Variants in CD200R1L observed in about 807,000 individuals in gnomAD.
CD200R1L encodes cell surface glycoprotein CD200 receptor 2.
CD200R1L carries 14 observed loss-of-function variants against 24.8 expected under a neutral mutation model. That is an observed-to-expected ratio of 0.56 (90% CI 0.37 to 0.88). The LOEUF (loss-of-function observed/expected upper bound fraction) is 0.88, where lower values mean the gene tolerates loss of function less well. Ranked by LOEUF, CD200R1L falls within the 40% of genes least tolerant of loss-of-function variation. The probability of loss-of-function intolerance (pLI) is 0.00; values close to 1 mark genes in which losing one functional copy is unlikely to be tolerated. For synonymous variants in CD200R1L, 111 were observed against 109.2 expected (o/e 1.02, Z -0.11); for missense variants, 299 against 297.8 (o/e 1.00, Z -0.03).
intron 7 of CD200R1L, 88 bp downstream of exon 7, chr3:112,819,684 T>A (rs1409301110): frequency 7.3e-7 from 1 of 1,376,972 alleles, no homozygotes; most frequent in East Asian, 2.6e-5. Context: ...AGTGTCAAGC[T>A]TTTCCCAGTA....
intron 3 of CD200R1L, chr3:112,829,613 C>T (rs1003037219): frequency 1.1e-6 from 1 of 888,114 alleles, no homozygotes; most frequent in Non-Finnish European, 1.3e-6. Context: ...ATTTCTCATT[C>T]ATGAGATGCT....
chr3:112,824,957 G>A (rs1183534531), intron 6 of CD200R1L, among the ~76,000 whole-genome samples: 1 of 152,182 alleles, frequency 6.6e-6, no homozygotes, highest in African/African-American at 2.4e-5. Flanking sequence ...TGCATGTAAG[G>A]CCGGGCACGG....
chr3:112,838,485 C>CCCAAAAGGTAAAAAAAAAAAAAAAAAAAA (rs1939011099), intron 2 of CD200R1L, among the ~76,000 whole-genome samples: 1 of 123,800 alleles, frequency 8.1e-6, no homozygotes. Context: ...AACAAACAAA[C>CCCAAAAGGTAAAAAAAAAAAAAAAAAAAA]AAACAAAAAA....
chr3:112,835,458 C>A (rs567525270), intron 3 of CD200R1L, among the ~76,000 whole-genome samples: 1 of 152,322 alleles, frequency 6.6e-6, no homozygotes, highest in East Asian at 1.9e-4. Context: ...AGCTGGTTGG[C>A]CCATTATGGC....
chr3:112,843,532 T>G (rs933929363), intron 2 of CD200R1L, among the ~76,000 whole-genome samples: 2 of 152,238 alleles, frequency 1.3e-5, no homozygotes, highest in African/African-American at 4.8e-5. Flanking sequence ...TCATTGCCAC[T>G]AGGCCAATCT....
intron 1 of CD200R1L, among the ~76,000 whole-genome samples, chr3:112,846,357 C>T (rs79488540): frequency 0.038 from 5,794 of 152,324 alleles, 129 homozygotes; most frequent in South Asian, 0.059. Flanking sequence ...AGTAAATTTT[C>T]AATAACTATA....
chr3:112,837,873 C>T (rs1938988513), intron 3 of CD200R1L, 69 bp downstream of exon 3: 1 of 531,058 alleles, frequency 1.9e-6, no homozygotes, highest in Non-Finnish European at 2.7e-6. Context: ...GACAAATGAT[C>T]ATGTAAATGT....
At position 112,827,373 on chromosome 3, in the gene CD200R1L, C is replaced by G. The variant is rs1403251351; in HGVS notation, c.361G>C (p.Val121Leu). 6.2e-7 allele frequency: 1 copy of G among 1,613,184 alleles called. No homozygotes were observed. The highest frequency in any genetic ancestry group is 1.7e-5 in the Admixed American group (1 of 60,004). Reference protein sequence around the residue: ...GNFHRGYHLQVLVTPEVNLFQ... With the variant: ...GNFHRGYHLQLLVTPEVNLFQ... ...AGTATGTGATGCTCCTTACCTAACA[C>G]TTGGAGGTGATATCCACGATGGAAA... The change falls in exon 5 of 8, where the codon GTG becomes CTG. Residue 121 changes from valine to leucine, a missense_variant. Val to Leu is a conservative substitution (Grantham distance 32). Transcript: ENST00000488794.
chr3:112,831,597 C>T (rs1458041341), intron 3 of CD200R1L, among the ~76,000 whole-genome samples: 5 of 152,166 alleles, frequency 3.3e-5, no homozygotes, highest in African/African-American at 7.2e-5. Flanking sequence ...GAGCCCCTAA[C>T]GCAATACAAT....
At position 112,827,039 on chromosome 3, in the gene CD200R1L, G is replaced by A; in HGVS notation, c.570C>T (p.Val190=). The change falls in exon 6 of 8, where the codon GTC becomes GTT. Residue 190 remains valine, a synonymous_variant. Transcript: ENST00000488794. ...EGHKSTVTCH[V]SHLTGNKSLS... is the part of the protein sequence containing the mutation. Reference sequence around the variant, plus strand: ...GACTCTTGTTGCCAGTCAAATGGGAGACATGGCAGGTCACAGTAGACTTGT... The same window carrying A: ...GACTCTTGTTGCCAGTCAAATGGGAAACATGGCAGGTCACAGTAGACTTGT... 1.2e-6 allele frequency: 2 copies of A among 1,611,684 alleles called. No homozygotes were observed. The highest frequency in any genetic ancestry group is 1.7e-6 in the Non-Finnish European group (2 of 1,179,466).
At chr3:112,824,926 G>A (rs1012083966) in intron 6 of CD200R1L, among the ~76,000 whole-genome samples, 46 of 152,080 alleles carry the variant, frequency 3.0e-4, no homozygotes, top group African/African-American at 1.1e-3. Context: ...GGAAAGAAGT[G>A]CCTTATGGAG....
At chr3:112,819,996 T>C (rs777477754) in intron 6 of CD200R1L, 101 bp from the exon 7 acceptor site, 16 of 1,044,188 alleles carry the variant, frequency 1.5e-5, no homozygotes, top group Non-Finnish European at 2.0e-5. Flanking sequence ...TCTTAAGAGT[T>C]CATGGACTGT....
At chr3:112,828,140 G>A (rs377715496) in intron 4 of CD200R1L, among the ~76,000 whole-genome samples, 1 of 152,134 alleles carries the variant, frequency 6.6e-6, no homozygotes, top group Non-Finnish European at 1.5e-5. Context: ...CTCCTCCTTC[G>A]TTTTGGTGAG....
chr3:112,824,157 C>A (rs893429169), intron 6 of CD200R1L, among the ~76,000 whole-genome samples: 8 of 151,816 alleles, frequency 5.3e-5, no homozygotes, highest in Non-Finnish European at 1.0e-4. Flanking sequence ...ACTATTTGAC[C>A]AACTAAGACA....
chr3:112,845,183 A>T (rs532926660), intron 2 of CD200R1L, among the ~76,000 whole-genome samples: 1 of 152,184 alleles, frequency 6.6e-6, no homozygotes, highest in Non-Finnish European at 1.5e-5. Flanking sequence ...AAATAACTAC[A>T]ATCAGATATT....
At chr3:112,832,270 A>G (rs1039368605) in intron 3 of CD200R1L, among the ~76,000 whole-genome samples, 1 of 152,218 alleles carries the variant, frequency 6.6e-6, no homozygotes, top group African/African-American at 2.4e-5. Context: ...AACATATCGG[A>G]GTCAGATGAT....
At chr3:112,837,474 T>A (rs866376583) in intron 3 of CD200R1L, among the ~76,000 whole-genome samples, 2 of 152,162 alleles carry the variant, frequency 1.3e-5, no homozygotes, top group African/African-American at 2.4e-5. Flanking sequence ...CCCAGACTGC[T>A]TCTATTGGCT....
chr3:112,838,046 T>G (rs1351061322), intron 2 of CD200R1L, 36 bp from the exon 3 acceptor site: 1 of 1,010,382 alleles, frequency 9.9e-7, no homozygotes, highest in Non-Finnish European at 1.3e-6. Context: ...TGGAGAAAAT[T>G]AAGAACTTTT....
intron 7 of CD200R1L, among the ~76,000 whole-genome samples, chr3:112,818,943 C>T (rs778731648): frequency 1.3e-5 from 2 of 152,064 alleles, no homozygotes; most frequent in Non-Finnish European, 2.9e-5. Flanking sequence ...AGACTGAGAC[C>T]GGGTAATTTA....
Sources: allele counts gnomAD v4.1 joint callset (sites outside exome capture counted in the v4.1 genomes callset), GRCh38; gene constraint gnomAD v4.1.1; transcripts MANE v1.5; gene names NCBI Gene and HGNC (gene_info 2026-07-23, HGNC 2026-07-21).